CLMP: variants seen among roughly 807,000 people sequenced by gnomAD.
The protein encoded by CLMP is CXADR like cell adhesion molecule, also known as CXADR-like membrane protein.
A neutral mutation model predicts 45.2 loss-of-function variants in CLMP; 27 were observed. The observed-to-expected ratio is 0.60, with a 90% CI of 0.44 to 0.82. The LOEUF is 0.82. Among genes scored for constraint, CLMP ranks in the 40% least tolerant of loss-of-function variants. The pLI, the probability that CLMP is intolerant of heterozygous loss-of-function variation, is 0.00. For synonymous variants in CLMP, 167 were observed against 171.4 expected (o/e 0.97, Z 0.20); for missense variants, 403 against 448.4 (o/e 0.90, Z 0.91).
intron 1 of CLMP, among the ~76,000 whole-genome samples, chr11:123,151,181 G>A (rs935098882): frequency 3.3e-5 from 5 of 152,212 alleles, no homozygotes; most frequent in African/African-American, 9.7e-5. Flanking sequence ...ACCAGGGCAG[G>A]GCCATGGAGA....
intron 1 of CLMP, among the ~76,000 whole-genome samples, chr11:123,133,617 T>C (rs1861023881): frequency 6.6e-6 from 1 of 151,994 alleles, no homozygotes; most frequent in Admixed American, 6.6e-5. Context: ...GTTCAGAACA[T>C]CCTACCCCAA....
chr11:123,178,189 C>G (rs1591488155), intron 1 of CLMP, among the ~76,000 whole-genome samples: 2 of 152,104 alleles, frequency 1.3e-5, no homozygotes, highest in Admixed American at 1.3e-4. Flanking sequence ...AAAAAGTGTA[C>G]TTAGAATTGG....
chr11:123,181,077 G>A (rs1052622640), intron 1 of CLMP, among the ~76,000 whole-genome samples: 2 of 152,156 alleles, frequency 1.3e-5, no homozygotes, highest in Non-Finnish European at 2.9e-5. Context: ...GCGCAATCCA[G>A]TCTATGGCTC....
At chr11:123,084,416 G>T in intron 3 of CLMP, 96 bp downstream of exon 3, 1 of 991,478 alleles carries the variant, frequency 1.0e-6, no homozygotes, top group South Asian at 1.4e-5. Flanking sequence ...CCAAAGTACT[G>T]AACATGATGT....
At chr11:123,150,420 A>AAAGG (rs1555084501) in intron 1 of CLMP, among the ~76,000 whole-genome samples, 4 of 23,376 alleles carry the variant, frequency 1.7e-4, no homozygotes, top group African/African-American at 8.1e-4. Flanking sequence ...GGAAGGTAAG[A>AAAGG]AAGAAAGAAA....
At chr11:123,090,093 G>GA (rs57683487) in intron 2 of CLMP, among the ~76,000 whole-genome samples, 6,609 of 138,846 alleles carry the variant, frequency 0.048, 447 homozygotes, top group East Asian at 0.37. Flanking sequence ...CTGTCTCAAA[G>GA]AAAAAAAAAA....
At chr11:123,140,020 G>A (rs1424183404) in intron 1 of CLMP, among the ~76,000 whole-genome samples, 1 of 152,148 alleles carries the variant, frequency 6.6e-6, no homozygotes, top group African/African-American at 2.4e-5. Flanking sequence ...CTCAATGGTT[G>A]GAATATTATG....
chr11:123,106,382 GGTGT>G (rs539659160), intron 1 of CLMP, among the ~76,000 whole-genome samples: 3,801 of 135,118 alleles, frequency 0.028, 108 homozygotes, highest in African/African-American at 0.072. Context: ...TTCTGTAGGA[GGTGT>G]GTGTGTGTGT....
At chr11:123,084,775 G>T (rs1865845032) in intron 2 of CLMP, 62 bp from the exon 3 acceptor site, 11 of 1,450,046 alleles carry the variant, frequency 7.6e-6, no homozygotes, top group Non-Finnish European at 9.6e-6. Context: ...TCCTGATGGT[G>T]TGAAGAAGAG....
In CLMP at chr11:123,153,606, G is replaced by C. The variant is rs891582097; in HGVS notation, c.28+41307C>G. Among the ~76,000 whole-genome samples the C allele has an allele frequency of 2.6e-5, 4 of 152,150 alleles. 1 individual carries two copies. The highest frequency in any genetic ancestry group is 7.2e-5 in the African/African-American group (3 of 41,434). On this transcript the variant is annotated intron_variant, in intron 1 of 6. Transcript: ENST00000448775. Reference sequence around the variant, plus strand: ...TGAAGTATTGGTTTTTAAACAACAGGCTCACTTAACTTACTCATAGGCACT... The same window carrying C: ...TGAAGTATTGGTTTTTAAACAACAGCCTCACTTAACTTACTCATAGGCACT...
intron 5 of CLMP, among the ~76,000 whole-genome samples, chr11:123,079,978 C>G (rs1008997180): frequency 2.0e-5 from 3 of 152,190 alleles, no homozygotes; most frequent in Non-Finnish European, 4.4e-5. Context: ...TACTGAACAC[C>G]CACCATGTGT....
chr11:123,133,711 C>T (rs1221291921), intron 1 of CLMP, among the ~76,000 whole-genome samples: 1 of 152,002 alleles, frequency 6.6e-6, no homozygotes, highest in Non-Finnish European at 1.5e-5. Flanking sequence ...CTGACCTTCC[C>T]CTCAAGAAGG....
intron 1 of CLMP, among the ~76,000 whole-genome samples, chr11:123,142,932 G>T (rs1001699578): frequency 2.0e-5 from 3 of 152,160 alleles, no homozygotes; most frequent in African/African-American, 7.2e-5. Flanking sequence ...GGCCGATGAG[G>T]TTTCTTAAAA....
intron 1 of CLMP, among the ~76,000 whole-genome samples, chr11:123,113,814 A>G (rs1481486818): frequency 2.6e-5 from 4 of 152,228 alleles, no homozygotes; most frequent in African/African-American, 9.6e-5. Flanking sequence ...AGATCACTCC[A>G]CCATTCAGAA....
intron 1 of CLMP, among the ~76,000 whole-genome samples, chr11:123,160,328 A>G (rs1424574824): frequency 6.6e-6 from 1 of 151,346 alleles, no homozygotes; most frequent in African/African-American, 2.4e-5. Context: ...ATTTATTTCA[A>G]TAATCCAATT....
chr11:123,112,995 G>A (rs538032919), intron 1 of CLMP, among the ~76,000 whole-genome samples: 5 of 151,534 alleles, frequency 3.3e-5, no homozygotes, highest in Non-Finnish European at 7.4e-5. Flanking sequence ...GGATGGTCTC[G>A]ATCTCCTGAC....
intron 2 of CLMP, among the ~76,000 whole-genome samples, chr11:123,089,220 A>G (rs1216803678): frequency 6.6e-6 from 1 of 151,706 alleles, no homozygotes; most frequent in Non-Finnish European, 1.5e-5. Flanking sequence ...CCCCATCTCT[A>G]CTAAAATTAC....
chr11:123,076,158 CA>C (rs528272771), intron 5 of CLMP, among the ~76,000 whole-genome samples: 49 of 141,970 alleles, frequency 3.5e-4, no homozygotes, highest in East Asian at 4.1e-4. Context: ...GACTCTGTCT[CA>C]AAAAAAAAAA....
chr11:123,077,769 T>C lies in CLMP; in HGVS notation c.680-2926A>G, dbSNP rs369096123. Among the ~76,000 whole-genome samples, 12 of 152,312 alleles carry C rather than the reference T, an allele frequency of 7.9e-5. No homozygotes were observed. The East Asian group carries it at 2.3e-3, about 29-fold the overall frequency. On this transcript the variant is annotated intron_variant, in intron 5 of 6. Coordinates refer to ENST00000448775, the MANE Select transcript of CLMP (RefSeq NM_024769.5). ...CTCCAGGACACATAATCTAGATGGA[T>C]TGTCTGTTAATGGAAATTTAGGTCA... is the stretch of plus-strand genomic sequence containing the variant.
Sources: gnomAD v4.1 joint callset for allele counts (sites outside exome capture counted in the v4.1 genomes callset) on GRCh38, gnomAD v4.1.1 for gene constraint, MANE v1.5 for transcripts, NCBI Gene and HGNC (gene_info 2026-07-23, HGNC 2026-07-21) for gene names.